Variants in PARD3B observed in about 807,000 individuals in gnomAD.
PARD3B encodes partitioning defective 3 homolog B.
Under a neutral mutation model 130.2 loss-of-function variants are expected in PARD3B, and 103 were observed. The observed-to-expected ratio is 0.79, with a 90% CI of 0.67 to 0.93. PARD3B has a LOEUF of 0.93. Among genes scored for constraint, PARD3B ranks in the 40% least tolerant of loss-of-function variants. The pLI, the probability that PARD3B is intolerant of heterozygous loss-of-function variation, is 0.00. For missense variants in PARD3B, 1,609 were observed against 1,499.2 expected, an observed-to-expected ratio of 1.07 and a Z score of -1.21; for synonymous variants, 583 against 553.2, an observed-to-expected ratio of 1.05 and a Z score of -0.76.
intron 2 of PARD3B, among the ~76,000 whole-genome samples, chr2:204,848,323 T>C (rs562425693): frequency 3.9e-5 from 6 of 152,176 alleles, no homozygotes; most frequent in Non-Finnish European, 8.8e-5. Context: ...TATTCAGTTC[T>C]GTTTTTAGAA....
chr2:205,577,012 G>T (rs547718931), intron 22 of PARD3B, among the ~76,000 whole-genome samples: 12 of 152,140 alleles, frequency 7.9e-5, no homozygotes, highest in Admixed American at 3.3e-4. Context: ...TAAATATTTT[G>T]TTAGCTTTAT....
intron 1 of PARD3B, among the ~76,000 whole-genome samples, chr2:204,681,264 C>T (rs187869509): frequency 3.7e-4 from 57 of 152,220 alleles, no homozygotes; most frequent in African/African-American, 1.3e-3. Context: ...TTGATAGAAT[C>T]ATAGATTTTT....
At chr2:205,029,496 G>A (rs1222012870) in intron 3 of PARD3B, among the ~76,000 whole-genome samples, 1 of 152,156 alleles carries the variant, frequency 6.6e-6, no homozygotes, top group Non-Finnish European at 1.5e-5. Context: ...TTTGAACATA[G>A]TAGGGGAAAG....
rs565239385 is a variant in PARD3B, at chr2:205,568,337, C to A, written c.3260+14934C>A. 8.0e-4 allele frequency among the ~76,000 whole-genome samples: 122 copies of A among 152,284 alleles called. No homozygotes were observed. The highest frequency in any genetic ancestry group is 2.9e-3 in the African/African-American group (121 of 41,558). ...GTCTTGTACGGAACACAGTGAATGCCAATAGCACCAACAGAGCAACCCAAG... is the reference window on the plus strand; with the variant it reads ...GTCTTGTACGGAACACAGTGAATGCAAATAGCACCAACAGAGCAACCCAAG... On this transcript the variant is annotated intron_variant, in intron 22 of 22. Transcript: ENST00000406610. The surrounding 1 kb of genome is among the most constrained non-coding windows in gnomAD (Gnocchi z 5.3).
chr2:204,939,234 C>A (rs1688702810), intron 2 of PARD3B, among the ~76,000 whole-genome samples: 1 of 152,134 alleles, frequency 6.6e-6, no homozygotes, highest in Admixed American at 6.5e-5. Flanking sequence ...TATTAACGCT[C>A]CAACCAAATT....
In PARD3B at chr2:204,838,349, A is replaced by ATGTGTGTGTGTG. The variant is rs55688873; in HGVS notation, c.223-126773_223-126762dup. Among the ~76,000 whole-genome samples the ATGTGTGTGTGTG allele has an allele frequency of 2.7e-3, 372 of 135,426 alleles. 4 individuals are homozygous for ATGTGTGTGTGTG. Among genetic ancestry groups the ATGTGTGTGTGTG allele is most frequent in the African/African-American group, 9.1e-3 (335 of 36,882 alleles). The allele number at this position is 135,426 out of a possible 152,430, so 88.8% of individuals were successfully genotyped here. ...AGGCACCCGCCACCATACCTGGCTA[A>ATGTGTGTGTGTG]TGTGTGTGTGTGTGTGTGTGTGTGT... On this transcript the variant is annotated intron_variant, in intron 2 of 22. Coordinates refer to ENST00000406610, the MANE Select transcript of PARD3B (RefSeq NM_001302769.2).
chr2:204,968,043 A>ACTTTTCC, intron 3 of PARD3B, among the ~76,000 whole-genome samples: 1 of 152,238 alleles, frequency 6.6e-6, no homozygotes, highest in Middle Eastern at 3.4e-3. Flanking sequence ...TAGCCATTGG[A>ACTTTTCC]ACTGGTTGTA....
At chr2:205,080,646 G>A (rs1701351294) in intron 4 of PARD3B, among the ~76,000 whole-genome samples, 1 of 152,068 alleles carries the variant, frequency 6.6e-6, no homozygotes, top group East Asian at 1.9e-4. Flanking sequence ...TGTCTTTGGT[G>A]CACAAATGTA....
intron 19 of PARD3B, among the ~76,000 whole-genome samples, chr2:205,418,097 G>C (rs778116054): frequency 1.3e-5 from 2 of 152,032 alleles, no homozygotes; most frequent in Non-Finnish European, 2.9e-5. Context: ...AGGCCTAAAA[G>C]CTTATAAGAA....
intron 4 of PARD3B, among the ~76,000 whole-genome samples, chr2:205,065,930 C>T (rs1559405633): frequency 2.6e-5 from 4 of 152,150 alleles, no homozygotes; most frequent in African/African-American, 4.8e-5. Flanking sequence ...TGGACTAAGA[C>T]GGCCCCCATT....
At chr2:205,600,357 T>A (rs1449801900) in intron 22 of PARD3B, among the ~76,000 whole-genome samples, 1 of 152,170 alleles carries the variant, frequency 6.6e-6, no homozygotes, top group African/African-American at 2.4e-5. Flanking sequence ...TTTGTACTCA[T>A]AAGGTTGAGG....
In PARD3B at chr2:205,128,472, G is replaced by A. The variant is rs2031675490; in HGVS notation, c.1434+2735G>A. Reference sequence around the variant, plus strand: ...AGCAACTGGAATAACATTTAACATTGTCTCTGGAGTTCACATCCCAGAATT... The same window carrying A: ...AGCAACTGGAATAACATTTAACATTATCTCTGGAGTTCACATCCCAGAATT... On this transcript the variant is annotated intron_variant, in intron 10 of 22. Coordinates refer to ENST00000406610, the MANE Select transcript of PARD3B (RefSeq NM_001302769.2). The surrounding 1 kb of genome is among the most constrained non-coding windows in gnomAD (Gnocchi z 4.5). Among the ~76,000 whole-genome samples the A allele has an allele frequency of 1.3e-5, 2 of 152,128 alleles. No homozygotes were observed. The highest frequency in any genetic ancestry group is 1.3e-4 in the Admixed American group (2 of 15,274).
At chr2:205,374,364 G>A (rs1245048006) in intron 18 of PARD3B, among the ~76,000 whole-genome samples, 1 of 151,984 alleles carries the variant, frequency 6.6e-6, no homozygotes, top group Non-Finnish European at 1.5e-5. Context: ...TGCCTCCTGA[G>A]TAGCTGGGAT....
At position 204,922,045 on chromosome 2, in the gene PARD3B, T is replaced by G. The variant is rs1338132250; in HGVS notation, c.223-43107T>G. 4.6e-5 allele frequency among the ~76,000 whole-genome samples: 7 copies of G among 152,096 alleles called. 1 individual carries two copies. The highest frequency in any genetic ancestry group is 3.9e-4 in the Admixed American group (6 of 15,268). On this transcript the variant is annotated intron_variant, in intron 2 of 22. Coordinates refer to ENST00000406610, the MANE Select transcript of PARD3B (RefSeq NM_001302769.2). ...ACTGTGGATTCTGATGCCTTTTAAG[T>G]GAGAAGACCAGCAGAAGTATGAGTG...
chr2:205,540,245 T>C (rs1171553389), intron 21 of PARD3B, among the ~76,000 whole-genome samples: 2 of 152,034 alleles, frequency 1.3e-5, no homozygotes, highest in Non-Finnish European at 2.9e-5. Flanking sequence ...AAAAAAACAC[T>C]GTGAATTGGC....
intron 21 of PARD3B, among the ~76,000 whole-genome samples, chr2:205,551,684 C>T (rs1330446315): frequency 1.3e-5 from 2 of 152,168 alleles, no homozygotes; most frequent in African/African-American, 4.8e-5. Context: ...TTTGCAACAT[C>T]TCTCCCCATA....
chr2:205,448,257 G>T (rs2047976532), intron 20 of PARD3B, among the ~76,000 whole-genome samples: 1 of 152,142 alleles, frequency 6.6e-6, no homozygotes, highest in African/African-American at 2.4e-5. Context: ...GCAGAACTGG[G>T]TACCATATTT....
chr2:205,149,757 A>G (rs2033617154), intron 10 of PARD3B, among the ~76,000 whole-genome samples: 1 of 152,152 alleles, frequency 6.6e-6, no homozygotes, highest in Non-Finnish European at 1.5e-5. Flanking sequence ...GTTGCTTTGA[A>G]TTTGACTGCA....
intron 2 of PARD3B, among the ~76,000 whole-genome samples, chr2:204,765,924 T>A (rs1264292624): frequency 6.6e-6 from 1 of 152,206 alleles, no homozygotes; most frequent in African/African-American, 2.4e-5. Context: ...GCAGTTAGTA[T>A]AGCCCACAAA....
Sources: gnomAD v4.1 joint callset for allele counts (sites outside exome capture counted in the v4.1 genomes callset) on GRCh38, gnomAD v4.1.1 for gene constraint, Gnocchi (gnomAD v3.1) non-coding constraint, MANE v1.5 for transcripts, NCBI Gene and HGNC (gene_info 2026-07-23, HGNC 2026-07-21) for gene names.